RUVBL1: variants seen among roughly 807,000 people sequenced by gnomAD.
RUVBL1 encodes the protein ruvB-like 1.
RUVBL1 carries 4 observed loss-of-function variants against 52.4 expected under a neutral mutation model. The observed-to-expected ratio is 0.08, with a 90% CI of 0.04 to 0.17. The LOEUF (loss-of-function observed/expected upper bound fraction) is 0.17, where lower values mean the gene tolerates loss of function less well. RUVBL1 is among the 10% of genes least tolerant of loss of function. The pLI is 1.00. For missense variants in RUVBL1, 298 were observed against 572.8 expected (o/e 0.52, Z 4.90); for synonymous variants, 217 against 214.4 (o/e 1.01, Z -0.10).
At chr3:128,142,647 A>G (rs1944043282) in intron 1 of RUVBL1, among the ~76,000 whole-genome samples, 1 of 152,080 alleles carries the variant, frequency 6.6e-6, no homozygotes, top group Non-Finnish European at 1.5e-5. Flanking sequence ...GATTCTGGGG[A>G]AGAATCCATT....
At chr3:128,150,811 A>G (rs1944180937) in intron 1 of RUVBL1, among the ~76,000 whole-genome samples, 1 of 96,944 alleles carries the variant, frequency 1.0e-5, no homozygotes. Context: ...TATATTCTAT[A>G]TATTATATAT....
At position 128,108,218 on chromosome 3, in the gene RUVBL1, A is replaced by G. The variant is rs537763816; in HGVS notation, c.362-3294T>C. Among the ~76,000 whole-genome samples the G allele has an allele frequency of 3.1e-3, 471 of 152,112 alleles. 4 individuals carry two copies. The highest frequency in any genetic ancestry group is 0.01 in the African/African-American group (432 of 41,494). On this transcript the variant is annotated intron_variant, in intron 3 of 10. Coordinates refer to ENST00000322623, the MANE Select transcript of RUVBL1 (RefSeq NM_003707.3). ...TGCTTCCTCCCCACCCCCTCTCCCAACTTCACAGAATTCAAAGGCAGAGGA... is the reference window on the plus strand; with the variant it reads ...TGCTTCCTCCCCACCCCCTCTCCCAGCTTCACAGAATTCAAAGGCAGAGGA...
chr3:128,130,513 C>A (rs1407464051), intron 1 of RUVBL1, among the ~76,000 whole-genome samples: 2 of 148,884 alleles, frequency 1.3e-5, no homozygotes, highest in Non-Finnish European at 3.0e-5. Context: ...GTAACCTCAG[C>A]ACTTTGGGAG....
intron 9 of RUVBL1, chr3:128,084,389 C>T (rs56211835): frequency 0.23 from 34,842 of 152,182 alleles, 4,053 homozygotes; most frequent in South Asian, 0.27. Context: ...AAGGTAAAAA[C>T]GGCTTCTCAC....
Position 128,067,259 on chromosome 3 carries a change from G to A in RUVBL1, c.940-2039C>T. ...TTCATCCAAAGATATTTTCCATTGT[G>A]CCTTTTACAAATTCAGCACATTAAA... On this transcript the variant is annotated intron_variant, in intron 9 of 9. Transcript: ENST00000464873. This position sits in a 1 kb window ranked among gnomAD's most constrained non-coding sequence, Gnocchi z 4.1. 2 of 1,338,962 alleles carry A rather than the reference G, an allele frequency of 1.5e-6. No individual in the cohort carries two copies. Among genetic ancestry groups the A allele is most frequent in the Non-Finnish European group, 2.1e-6 (2 of 955,080 alleles). The allele number at this position is 1,338,962 out of a possible 1,614,324, so 82.9% of individuals were successfully genotyped here. A position where few individuals can be genotyped will look rare whatever the true frequency, so the allele number is the denominator to read the frequency against.
At chr3:128,150,913 CTATATTATATATATAATATATTCTA>C (rs1559841655) in intron 1 of RUVBL1, among the ~76,000 whole-genome samples, 1 of 62,030 alleles carries the variant, frequency 1.6e-5, no homozygotes, top group Non-Finnish European at 2.7e-5. Flanking sequence ...ATATAATATT[CTATATTATATATATAATATATTCTA>C]TATATTATAT....
rs1165400180 is a variant in RUVBL1 at position 128,067,328 on chromosome 3, A to G, written c.940-2108T>C. Reference sequence around the variant, plus strand: ...AATTGTACTGTGGGCACCGAGTAAAATTGCATTCTTTCATCTGCTCAGAAC... The same window carrying G: ...AATTGTACTGTGGGCACCGAGTAAAGTTGCATTCTTTCATCTGCTCAGAAC... On this transcript the variant is annotated intron_variant, in intron 9 of 9. Transcript: ENST00000464873. This position sits in a 1 kb window ranked among gnomAD's most constrained non-coding sequence, Gnocchi z 4.1. 7.1e-7 allele frequency: 1 copy of G among 1,403,928 alleles called. No individual in the cohort carries two copies. The highest frequency in any genetic ancestry group is 1.4e-5 in the African/African-American group (1 of 69,678). 87.0% of individuals were successfully genotyped at this position (1,403,928 alleles called of 1,614,324 possible).
chr3:128,112,969 A>T lies in RUVBL1; in HGVS notation c.280T>A (p.Cys94Ser). Reference protein sequence around the residue: ...AQELGSKVPFCPMVGSEVYST... With the variant: ...AQELGSKVPFSPMVGSEVYST... The stretch of plus-strand genomic sequence containing the variant: ...TAAACTTCACTCCCCACCATTGGGC[A>T]GAAGGGGACCTTACTACCCAGCTCC... The change falls in exon 3 of 11, where the codon TGC becomes AGC. Residue 94 changes from cysteine (C) to serine (S), a missense_variant. Transcript: ENST00000322623. The T allele has an allele frequency of 6.2e-7, 1 of 1,614,212 alleles. No homozygotes were observed. The highest frequency in any genetic ancestry group is 1.7e-4 in the Middle Eastern group (1 of 6,060).
intron 5 of RUVBL1, among the ~76,000 whole-genome samples, 198 bp from the exon 6 acceptor site, chr3:128,100,942 T>A (rs140200900): frequency 7.9e-5 from 12 of 152,336 alleles, no homozygotes; most frequent in African/African-American, 2.9e-4. Flanking sequence ...AAAACTGGGT[T>A]GAAAAACACC....
intron 3 of RUVBL1, among the ~76,000 whole-genome samples, chr3:128,106,741 A>G (rs769943149): frequency 3.9e-5 from 6 of 152,220 alleles, no homozygotes; most frequent in Non-Finnish European, 7.3e-5. Context: ...CATGTTCTAT[A>G]TGGTAATGGC....
chr3:128,066,144 G>A (rs1433032948), intron 9 of RUVBL1, among the ~76,000 whole-genome samples: 1 of 152,148 alleles, frequency 6.6e-6, no homozygotes, highest in Non-Finnish European at 1.5e-5. Flanking sequence ...TTCAGAGGGA[G>A]AAGTTGTATT....
At chr3:128,074,322 ATGT>A (rs1942247227) in intron 9 of RUVBL1, among the ~76,000 whole-genome samples, 2 of 152,084 alleles carry the variant, frequency 1.3e-5, no homozygotes, top group African/African-American at 4.8e-5. Context: ...GAAACAAGTC[ATGT>A]TGTATGATGC....
chr3:128,098,988 G>T, intron 6 of RUVBL1, 43 bp from the exon 7 acceptor site: 3 of 1,532,492 alleles, frequency 2.0e-6, no homozygotes, highest in South Asian at 1.1e-5. Flanking sequence ...TTTCTAAGGT[G>T]ACTACAGAAG....
chr3:128,150,992 A>G (rs1391207282), intron 1 of RUVBL1, among the ~76,000 whole-genome samples: 1 of 83,398 alleles, frequency 1.2e-5, no homozygotes, highest in African/African-American at 5.3e-5. Context: ...TTCTATATAT[A>G]TTATATATAT....
At chr3:128,076,359 C>G (rs1942321999), downstream of RUVBL1, among the ~76,000 whole-genome samples, 1 of 152,044 alleles carries the variant, frequency 6.6e-6, no homozygotes, top group Non-Finnish European at 1.5e-5. The surrounding 1 kb of genome is among the most constrained non-coding windows in gnomAD (Gnocchi z 6.8). Flanking sequence ...GGACCACTTG[C>G]GATGACAGCT....
upstream of RUVBL1, chr3:128,123,955 G>C: frequency 1.6e-6 from 2 of 1,227,528 alleles, no homozygotes; most frequent in African/African-American, 3.1e-5. Context: ...TCTCCGGGTT[G>C]GCTTCCCCCG....
chr3:128,065,964 G>A (rs1407554348), intron 9 of RUVBL1, among the ~76,000 whole-genome samples: 2 of 151,680 alleles, frequency 1.3e-5, no homozygotes, highest in Non-Finnish European at 2.9e-5. Context: ...GGATGGTCTC[G>A]ATCTCCTGAC....
chr3:128,108,855 C>T (rs958787854), intron 3 of RUVBL1, among the ~76,000 whole-genome samples: 2 of 152,174 alleles, frequency 1.3e-5, no homozygotes, highest in African/African-American at 4.8e-5. Flanking sequence ...GTCATTTCCA[C>T]TGCTATTCCA....
rs1406964814 is a variant in RUVBL1 at position 128,081,466 on chromosome 3, T to A, written c.1212-57A>T. The A allele has an allele frequency of 1.9e-5, 29 of 1,553,074 alleles. No homozygotes were observed. The highest frequency in any genetic ancestry group is 2.5e-5 in the Non-Finnish European group (28 of 1,138,648). The stretch of plus-strand genomic sequence containing the variant: ...AACTGGGGCCACCGAAGAAAGCACC[T>A]TCCCCCCACATCAGTAGGCAGCACT... On this transcript the variant is annotated intron_variant, in intron 10 of 10. Coordinates refer to ENST00000322623, the MANE Select transcript of RUVBL1 (RefSeq NM_003707.3). This position sits in a 1 kb window ranked among gnomAD's most constrained non-coding sequence, Gnocchi z 4.8.
Sources: gnomAD v4.1 joint callset for allele counts (sites outside exome capture counted in the v4.1 genomes callset) on GRCh38, gnomAD v4.1.1 for gene constraint, Gnocchi (gnomAD v3.1) non-coding constraint, MANE v1.5 for transcripts, NCBI Gene and HGNC (gene_info 2026-07-23, HGNC 2026-07-21) for gene names.